Variants in KIRREL3 observed in about 807,000 individuals in gnomAD.
KIRREL3 encodes the protein kirre like nephrin family adhesion molecule 3, also known as kin of IRRE-like protein 3.
Under a neutral mutation model 89.7 loss-of-function variants are expected in KIRREL3, and 36 were observed. The ratio of observed to expected loss-of-function variants is 0.40; its 90% confidence interval spans 0.31 to 0.53. The LOEUF (loss-of-function observed/expected upper bound fraction) is 0.53, where lower values mean the gene tolerates loss of function less well. Ranked by LOEUF, KIRREL3 falls within the 20% of genes least tolerant of loss-of-function variation. The pLI is 0.49. For missense variants in KIRREL3, 864 were observed against 1,056.6 expected (o/e 0.82, Z 2.53); for synonymous variants, 445 against 441.4 (o/e 1.01, Z -0.10).
intron 1 of KIRREL3, chr11:126,920,331 A>G (rs1416976813): frequency 6.6e-6 from 1 of 152,394 alleles, no homozygotes; most frequent in Non-Finnish European, 1.5e-5. Flanking sequence ...TTAGACAAAG[A>G]TAAATGCTCA....
chr11:126,776,508 G>C lies in KIRREL3; in HGVS notation c.56-213596C>G, dbSNP rs1353755807. On this transcript the variant is annotated intron_variant, in intron 1 of 16. Coordinates refer to ENST00000525144, the MANE Select transcript of KIRREL3 (RefSeq NM_032531.4). The surrounding 1 kb of genome is among the most constrained non-coding windows in gnomAD (Gnocchi z 4.7). ...ATGGTGCTGCAGGACACTGGCTGCAGACAGGTCTCTACTAGGTGTCAGAGC... is the reference window on the plus strand; with the variant it reads ...ATGGTGCTGCAGGACACTGGCTGCACACAGGTCTCTACTAGGTGTCAGAGC... 1.3e-5 allele frequency among the ~76,000 whole-genome samples: 2 copies of C among 152,194 alleles called. No individual in the cohort carries two copies. Among genetic ancestry groups the C allele is most frequent in the Non-Finnish European group, 2.9e-5 (2 of 68,038 alleles).
intron 1 of KIRREL3, among the ~76,000 whole-genome samples, chr11:126,800,738 C>T (rs1338470188): frequency 6.6e-6 from 1 of 152,174 alleles, no homozygotes; most frequent in African/African-American, 2.4e-5. Context: ...CAGGCCACCC[C>T]TACAGCCAGG....
At position 126,513,271 on chromosome 11, in the gene KIRREL3, G is replaced by A. The variant is rs1014438506; in HGVS notation, c.433+8044C>T. On this transcript the variant is annotated intron_variant, in intron 4 of 16. Transcript: ENST00000525144. This position sits in a 1 kb window ranked among gnomAD's most constrained non-coding sequence, Gnocchi z 5.9. ...AAGATGCTGGGGGGTATGGGGGCTG[G>A]CCCTGGGCATGGTCATTTGGGAAGC... 1.3e-5 allele frequency among the ~76,000 whole-genome samples: 2 copies of A among 152,142 alleles called. No homozygotes were observed. The highest frequency in any genetic ancestry group is 2.4e-5 in the African/African-American group (1 of 41,422).
At position 126,780,149 on chromosome 11, in the gene KIRREL3, C is replaced by G. The variant is rs1300126978; in HGVS notation, c.56-217237G>C. 3.3e-5 allele frequency among the ~76,000 whole-genome samples: 5 copies of G among 152,018 alleles called. No individual in the cohort carries two copies. The highest frequency in any genetic ancestry group is 5.9e-5 in the Non-Finnish European group (4 of 68,010). On this transcript the variant is annotated intron_variant, in intron 1 of 16. Coordinates refer to ENST00000525144, the MANE Select transcript of KIRREL3 (RefSeq NM_032531.4). The surrounding 1 kb of genome is among the most constrained non-coding windows in gnomAD (Gnocchi z 5.3). ...TGGACATGGAAGCACAGGGGAGAGACAAGCGGGGAGAAATTCAGGTTCAAT... is the reference window on the plus strand; with the variant it reads ...TGGACATGGAAGCACAGGGGAGAGAGAAGCGGGGAGAAATTCAGGTTCAAT...
In KIRREL3 at chr11:126,528,484, G is replaced by C. The variant is rs911116136; in HGVS notation, c.134-1797C>G. ...GCTGGGGACAGGCAGGAAGGTGGCCGAGTTCACAACCTGACAAGATCTTGG... is the reference window on the plus strand; with the variant it reads ...GCTGGGGACAGGCAGGAAGGTGGCCCAGTTCACAACCTGACAAGATCTTGG... On this transcript the variant is annotated intron_variant, in intron 2 of 16. Transcript: ENST00000525144. This position sits in a 1 kb window ranked among gnomAD's most constrained non-coding sequence, Gnocchi z 4.6. 2.1e-4 allele frequency among the ~76,000 whole-genome samples: 32 copies of C among 152,210 alleles called. No homozygotes were observed. Among genetic ancestry groups the C allele is most frequent in the Non-Finnish European group, 4.4e-4 (30 of 68,036 alleles).
At chr11:126,442,314 ACACACAC>A (rs761652490) in intron 10 of KIRREL3, among the ~76,000 whole-genome samples, 1 of 782 alleles carries the variant, frequency 1.3e-3, no homozygotes, top group Non-Finnish European at 5.4e-3. Context: ...GACACACAAA[ACACACAC>A]ACACACACAC....
At position 126,872,973 on chromosome 11, in the gene KIRREL3, C is replaced by A. The variant is rs1421821802; in HGVS notation, c.55+127482G>T. Among the ~76,000 whole-genome samples, 1 of 152,144 alleles carries A rather than the reference C, an allele frequency of 6.6e-6. No individual in the cohort carries two copies. The highest frequency in any genetic ancestry group is 1.5e-5 in the Non-Finnish European group (1 of 68,028). On this transcript the variant is annotated intron_variant, in intron 1 of 16. Coordinates refer to ENST00000525144, the MANE Select transcript of KIRREL3 (RefSeq NM_032531.4). This position sits in a 1 kb window ranked among gnomAD's most constrained non-coding sequence, Gnocchi z 4.2. ...TCACTTGGATGGAAAATTAAAGCAG[C>A]CTGCTCCCTCAATGGTTATACATTC... is the stretch of plus-strand genomic sequence containing the variant.
In KIRREL3 at chr11:126,704,756, A is replaced by G. The variant is rs1316477669; in HGVS notation, c.56-141844T>C. On this transcript the variant is annotated intron_variant, in intron 1 of 16. Transcript: ENST00000525144. The surrounding 1 kb of genome is among the most constrained non-coding windows in gnomAD (Gnocchi z 4.2). ...CAGGTCACTTTTGGGCTAGCTACCT[A>G]TACCAGTCCAAAGGCTTGATACAGG... Among the ~76,000 whole-genome samples the G allele has an allele frequency of 6.6e-6, 1 of 152,202 alleles. No individual in the cohort carries two copies. The highest frequency in any genetic ancestry group is 1.9e-4 in the East Asian group (1 of 5,192).
At chr11:126,911,856 G>A (rs1946830682) in intron 1 of KIRREL3, among the ~76,000 whole-genome samples, 1 of 152,036 alleles carries the variant, frequency 6.6e-6, no homozygotes, top group Non-Finnish European at 1.5e-5. Context: ...GGTGGCGGGT[G>A]CCTGTAGTCC....
rs1183103328 is a variant in KIRREL3 at position 126,710,532 on chromosome 11, A to C, written c.56-147620T>G. The stretch of plus-strand genomic sequence containing the variant: ...TTAAAGCTCCAGTTAACGTGTATGC[A>C]GATGGGAGCTTGGAGGACTATTTTG... On this transcript the variant is annotated intron_variant, in intron 1 of 16. Coordinates refer to ENST00000525144, the MANE Select transcript of KIRREL3 (RefSeq NM_032531.4). This position sits in a 1 kb window ranked among gnomAD's most constrained non-coding sequence, Gnocchi z 4.2. 6.6e-6 allele frequency among the ~76,000 whole-genome samples: 1 copy of C among 152,204 alleles called. No homozygotes were observed. The highest frequency in any genetic ancestry group is 2.4e-5 in the African/African-American group (1 of 41,448).
At position 126,642,418 on chromosome 11, in the gene KIRREL3, A is replaced by T. The variant is rs902523229; in HGVS notation, c.56-79506T>A. On this transcript the variant is annotated intron_variant, in intron 1 of 16. Coordinates refer to ENST00000525144, the MANE Select transcript of KIRREL3 (RefSeq NM_032531.4). This position sits in a 1 kb window ranked among gnomAD's most constrained non-coding sequence, Gnocchi z 4.9. The stretch of plus-strand genomic sequence containing the variant: ...CTACAGGGAACAGGAGGGGAAGAAA[A>T]TTGCCTCTCTGTGAAAGCACATTAC... Among the ~76,000 whole-genome samples the T allele has an allele frequency of 6.6e-6, 1 of 152,190 alleles. No individual in the cohort carries two copies. The highest frequency in any genetic ancestry group is 2.4e-5 in the African/African-American group (1 of 41,438).
At position 126,819,034 on chromosome 11, in the gene KIRREL3, C is replaced by T. The variant is rs187402364; in HGVS notation, c.55+181421G>A. Among the ~76,000 whole-genome samples, 294 of 152,202 alleles carry T rather than the reference C, an allele frequency of 1.9e-3. 2 individuals are homozygous for T. Among genetic ancestry groups the T allele is most frequent in the African/African-American group, 6.6e-3 (276 of 41,536 alleles). On this transcript the variant is annotated intron_variant, in intron 1 of 16. Transcript: ENST00000525144. The stretch of plus-strand genomic sequence containing the variant: ...TGGGCGAGGCCGCTAGGGGTAGAGG[C>T]AGTTGGGGAGGAAGGTGGCAGCCAT...
At position 126,555,334 on chromosome 11, in the gene KIRREL3, A is replaced by G. The variant is rs767345658; in HGVS notation, c.133+7501T>C. Among the ~76,000 whole-genome samples the G allele has an allele frequency of 1.3e-5, 2 of 152,236 alleles. No homozygotes were observed. Among genetic ancestry groups the G allele is most frequent in the Non-Finnish European group, 2.9e-5 (2 of 68,046 alleles). On this transcript the variant is annotated intron_variant, in intron 2 of 16. Coordinates refer to ENST00000525144, the MANE Select transcript of KIRREL3 (RefSeq NM_032531.4). This position sits in a 1 kb window ranked among gnomAD's most constrained non-coding sequence, Gnocchi z 4.2. ...CACAAAGAGGGTCAAGGTTAAGGGA[A>G]TTATCCCATCTCATTAGTAAATAAT...
intron 1 of KIRREL3, among the ~76,000 whole-genome samples, chr11:126,815,249 G>A (rs1337605825): frequency 1.3e-5 from 2 of 152,178 alleles, no homozygotes; most frequent in African/African-American, 4.8e-5. Context: ...AGTTAAGGAT[G>A]GGGGCATCAA....
rs969172862 is a variant in KIRREL3, at chr11:126,977,590, C to T, written c.55+22865G>A. Among the ~76,000 whole-genome samples, 11 of 152,280 alleles carry T rather than the reference C, an allele frequency of 7.2e-5. No individual in the cohort carries two copies. The highest frequency in any genetic ancestry group is 2.0e-4 in the Admixed American group (3 of 15,306). ...CATTTATTGAATGCCTACTATGCAC[C>T]TGTCTATTTCATCAGGTTTATACCT... On this transcript the variant is annotated intron_variant, in intron 1 of 16. Transcript: ENST00000525144. This position sits in a 1 kb window ranked among gnomAD's most constrained non-coding sequence, Gnocchi z 4.7.
rs924390048 is a variant in KIRREL3 at position 126,740,366 on chromosome 11, G to A, written c.56-177454C>T. On this transcript the variant is annotated intron_variant, in intron 1 of 16. Transcript: ENST00000525144. This position sits in a 1 kb window ranked among gnomAD's most constrained non-coding sequence, Gnocchi z 6.0. ...AAGTGCTGCATTGCTAAACTCAGTG[G>A]AGATGGTATTCATTCTGTGTTTGGT... Among the ~76,000 whole-genome samples the A allele has an allele frequency of 3.3e-5, 5 of 151,520 alleles. No individual in the cohort carries two copies. Among genetic ancestry groups the A allele is most frequent in the Non-Finnish European group, 5.9e-5 (4 of 67,948 alleles).
At position 126,459,223 on chromosome 11, in the gene KIRREL3, G is replaced by T. The variant is rs2134243014; in HGVS notation, c.743-2769C>A. On this transcript the variant is annotated intron_variant, in intron 6 of 16. Coordinates refer to ENST00000525144, the MANE Select transcript of KIRREL3 (RefSeq NM_032531.4). This position sits in a 1 kb window ranked among gnomAD's most constrained non-coding sequence, Gnocchi z 4.8. ...AGAACTTGGGGGGCTGTTCCAGGAGGCCCTTCCCTCACCTGGGGGTCTTTT... is the reference window on the plus strand; with the variant it reads ...AGAACTTGGGGGGCTGTTCCAGGAGTCCCTTCCCTCACCTGGGGGTCTTTT... Among the ~76,000 whole-genome samples, 1 of 152,262 alleles carries T rather than the reference G, an allele frequency of 6.6e-6. No individual in the cohort carries two copies. The highest frequency in any genetic ancestry group is 6.5e-5 in the Admixed American group (1 of 15,290).
intron 1 of KIRREL3, among the ~76,000 whole-genome samples, chr11:126,967,160 T>A (rs1949295981): frequency 1.3e-5 from 2 of 152,190 alleles, no homozygotes; most frequent in Non-Finnish European, 2.9e-5. Context: ...CTCAAACACC[T>A]CTGACACCTG....
At chr11:126,944,250 C>G (rs1004571990) in intron 1 of KIRREL3, 2 of 152,212 alleles carry the variant, frequency 1.3e-5, no homozygotes, top group South Asian at 4.1e-4. Context: ...GGTCTTCATT[C>G]CCTTAAGAAG....
Sources: allele counts gnomAD v4.1 joint callset (sites outside exome capture counted in the v4.1 genomes callset), GRCh38; gene constraint gnomAD v4.1.1; non-coding constraint Gnocchi (gnomAD v3.1); transcripts MANE v1.5; gene names NCBI Gene and HGNC (gene_info 2026-07-23, HGNC 2026-07-21).